Variants in DLGAP2 observed in about 807,000 individuals in gnomAD.
DLGAP2 encodes the protein disks large-associated protein 2.
In DLGAP2, 26 loss-of-function variants were observed where a neutral mutation model predicts 100.3. The observed-to-expected ratio is 0.26, with a 90% CI of 0.19 to 0.36. The LOEUF (loss-of-function observed/expected upper bound fraction) is 0.36, where lower values mean the gene tolerates loss of function less well. Among genes scored for constraint, DLGAP2 ranks in the 10% least tolerant of loss-of-function variants. The pLI, the probability that DLGAP2 is intolerant of heterozygous loss-of-function variation, is 1.00. For missense variants in DLGAP2, 1,858 were observed against 1,453.2 expected (o/e 1.28, Z -4.53); for synonymous variants, 886 against 630.1 (o/e 1.41, Z -6.08).
chr8:840,506 G>A (rs1796961529), intron 1 of DLGAP2, among the ~76,000 whole-genome samples: 1 of 100,962 alleles, frequency 9.9e-6, no homozygotes, highest in African/African-American at 3.8e-5. Context: ...GATTCTGCGA[G>A]CGCGTCCACA....
At chr8:1,510,804 T>C (rs7835879) in intron 4 of DLGAP2, among the ~76,000 whole-genome samples, 98,631 of 151,630 alleles carry the variant, frequency 0.65, 32,537 homozygotes, top group South Asian at 0.81. Flanking sequence ...TATGTCCAAG[T>C]CCAGGAGGTC....
intron 8 of DLGAP2, among the ~76,000 whole-genome samples, chr8:1,652,747 C>A (rs533644753): frequency 6.7e-4 from 102 of 152,274 alleles, no homozygotes; most frequent in Non-Finnish European, 1.1e-3. Flanking sequence ...AAGTCAGGGT[C>A]AGATCTTTAT....
At chr8:752,955 T>C (rs780426757) in intron 1 of DLGAP2, among the ~76,000 whole-genome samples, 11 of 152,312 alleles carry the variant, frequency 7.2e-5, no homozygotes, top group African/African-American at 2.2e-4. Context: ...ATTATTATCA[T>C]GTGAAAAACG....
At chr8:820,671 G>A (rs192689226) in intron 1 of DLGAP2, among the ~76,000 whole-genome samples, 44 of 152,196 alleles carry the variant, frequency 2.9e-4, no homozygotes, top group Non-Finnish European at 5.4e-4. Context: ...CAATGTTTTA[G>A]TAGCATTTTG....
At chr8:1,250,120 C>A (rs1473014609) in intron 2 of DLGAP2, among the ~76,000 whole-genome samples, 1 of 152,200 alleles carries the variant, frequency 6.6e-6, no homozygotes, top group Middle Eastern at 3.2e-3. Flanking sequence ...ACCTTGTGAT[C>A]TGCCTGCCTC....
At chr8:893,732 G>C (rs1430522795) in intron 1 of DLGAP2, among the ~76,000 whole-genome samples, 1 of 152,214 alleles carries the variant, frequency 6.6e-6, no homozygotes, top group East Asian at 1.9e-4. Context: ...CGTTCTTTTG[G>C]AAAATGTTTG....
chr8:1,443,764 A>T lies in DLGAP2; in HGVS notation c.107-57602A>T, dbSNP rs1339235424. 2.0e-5 allele frequency among the ~76,000 whole-genome samples: 3 copies of T among 152,242 alleles called. No homozygotes were observed. The East Asian group carries it at 5.8e-4, about 29-fold the overall frequency. ...GAGTATGGGGGAAACTGCCCTCGTG[A>T]TTCAATTATCTCCACCTGGCCCCAC... On this transcript the variant is annotated intron_variant, in intron 3 of 14. Coordinates refer to ENST00000637795, the MANE Select transcript of DLGAP2 (RefSeq NM_001346810.2).
At chr8:1,355,415 A>G (rs983353945) in intron 3 of DLGAP2, among the ~76,000 whole-genome samples, 13 of 151,998 alleles carry the variant, frequency 8.6e-5, no homozygotes, top group Admixed American at 2.0e-4. Context: ...CCCAGGTTGG[A>G]GTGCAGTGGC....
chr8:1,261,020 A>C (rs1338300607), intron 3 of DLGAP2, among the ~76,000 whole-genome samples: 1 of 152,206 alleles, frequency 6.6e-6, no homozygotes, highest in Non-Finnish European at 1.5e-5. Context: ...CAGTGGCGTG[A>C]GGAGGGGAGG....
At position 1,134,531 on chromosome 8, in the gene DLGAP2, C is replaced by A. The variant is rs1407683307; in HGVS notation, c.74-124320C>A. The stretch of plus-strand genomic sequence containing the variant: ...AGTTTTAGTAATAGCCAGGAATTTG[C>A]ATTAATTAATGATAGAACTTACATT... On this transcript the variant is annotated intron_variant, in intron 2 of 14. Coordinates refer to ENST00000637795, the MANE Select transcript of DLGAP2 (RefSeq NM_001346810.2). 1.3e-4 allele frequency among the ~76,000 whole-genome samples: 19 copies of A among 151,924 alleles called. No homozygotes were observed. In the East Asian group the frequency reaches 3.1e-3, roughly 25 times the overall value.
intron 2 of DLGAP2, among the ~76,000 whole-genome samples, chr8:1,145,454 G>A (rs932442749): frequency 1.3e-5 from 2 of 152,114 alleles, no homozygotes; most frequent in Non-Finnish European, 2.9e-5. Context: ...CTCCACTGTG[G>A]TCTCCCGTCC....
intron 2 of DLGAP2, among the ~76,000 whole-genome samples, chr8:953,446 C>G (rs1472457028): frequency 2.0e-5 from 3 of 152,192 alleles, no homozygotes; most frequent in Non-Finnish European, 4.4e-5. Flanking sequence ...CCCACATCAG[C>G]TTCCCAAAGT....
chr8:940,352 CAG>C (rs139040145), intron 2 of DLGAP2, among the ~76,000 whole-genome samples: 312 of 146,230 alleles, frequency 2.1e-3, no homozygotes, highest in Middle Eastern at 3.5e-3. Flanking sequence ...GGCACAGGGA[CAG>C]AGAGAGAGAG....
chr8:1,005,499 C>T (rs1265011612), intron 2 of DLGAP2, among the ~76,000 whole-genome samples: 1 of 151,238 alleles, frequency 6.6e-6, no homozygotes, highest in Admixed American at 6.6e-5. Context: ...GCCTCAACCT[C>T]CTGGCCTCAA....
chr8:1,237,370 G>T (rs7465033), intron 2 of DLGAP2, among the ~76,000 whole-genome samples: 1 of 60,102 alleles, frequency 1.7e-5, no homozygotes, highest in Non-Finnish European at 3.0e-5. Flanking sequence ...ACATGGCGCC[G>T]TGTCTGTTTC....
At chr8:1,205,848 T>C (rs1797978276) in intron 2 of DLGAP2, among the ~76,000 whole-genome samples, 1 of 152,078 alleles carries the variant, frequency 6.6e-6, no homozygotes, top group African/African-American at 2.4e-5. Context: ...GAGTAGATAT[T>C]TTTCCCTTCA....
chr8:1,286,186 G>A (rs551375758), intron 3 of DLGAP2, among the ~76,000 whole-genome samples: 45 of 152,172 alleles, frequency 3.0e-4, no homozygotes, highest in Admixed American at 1.0e-3. Context: ...TTTTATAAGG[G>A]GCGTCCCCCT....
intron 2 of DLGAP2, among the ~76,000 whole-genome samples, chr8:987,219 G>A (rs148410990): frequency 4.9e-4 from 75 of 152,282 alleles, no homozygotes; most frequent in African/African-American, 1.7e-3. Context: ...TGCCCTGGCC[G>A]GGGTCGCCTG....
At chr8:1,700,250 CCTGTTTTT>C (rs1435719263) in intron 14 of DLGAP2, among the ~76,000 whole-genome samples, 7 of 152,160 alleles carry the variant, frequency 4.6e-5, no homozygotes, top group African/African-American at 1.4e-4. Flanking sequence ...GTGGAGTTTT[CCTGTTTTT>C]CTCCCCCAAA....
Sources: allele counts gnomAD v4.1 joint callset (sites outside exome capture counted in the v4.1 genomes callset), GRCh38; gene constraint gnomAD v4.1.1; transcripts MANE v1.5; gene names NCBI Gene and HGNC (gene_info 2026-07-23, HGNC 2026-07-21).